Variants in NEMP2 observed in about 807,000 individuals in gnomAD.
NEMP2 encodes the protein UPF0571 transmembrane protein.
Under a neutral mutation model 54.2 loss-of-function variants are expected in NEMP2, and 53 were observed. The ratio of observed to expected loss-of-function variants is 0.98; its 90% confidence interval spans 0.78 to 1.23. The LOEUF (loss-of-function observed/expected upper bound fraction) is 1.23, where lower values mean the gene tolerates loss of function less well. Among genes scored for constraint, NEMP2 ranks in the 50% most tolerant of loss-of-function variants. The pLI is 0.00. For synonymous variants in NEMP2, 197 were observed against 190.3 expected, an observed-to-expected ratio of 1.04 and a Z score of -0.29; for missense variants, 455 against 511.3, an observed-to-expected ratio of 0.89 and a Z score of 1.06.
At chr2:190,511,050 T>C (rs1351297256) in intron 7 of NEMP2, among the ~76,000 whole-genome samples, 1 of 152,238 alleles carries the variant, frequency 6.6e-6, no homozygotes, top group African/African-American at 2.4e-5. Context: ...TTTCCTGGAC[T>C]ATCATAAATA....
At chr2:190,477,199 T>TATA in the NEMP2 span, 6 of 931,180 alleles carry the variant, frequency 6.4e-6, no homozygotes, top group South Asian at 5.0e-5. Flanking sequence ...AAACTTAAAG[T>TATA]ATAATAATAA....
the NEMP2 span, among the ~76,000 whole-genome samples, chr2:190,636,136 A>T: frequency 6.6e-6 from 1 of 152,216 alleles, no homozygotes; most frequent in African/African-American, 2.4e-5. Context: ...AAATATTGGA[A>T]TTAAAGGCAG....
At chr2:190,643,194 C>T in the NEMP2 span, among the ~76,000 whole-genome samples, 1 of 152,030 alleles carries the variant, frequency 6.6e-6, no homozygotes, top group Non-Finnish European at 1.5e-5. Context: ...TCCAAGGGGG[C>T]TTACTGTATA....
the NEMP2 span, among the ~76,000 whole-genome samples, chr2:190,643,062 T>C: frequency 0.97 from 125,851 of 129,670 alleles, 61,185 homozygotes; most frequent in Middle Eastern, 1. Flanking sequence ...AAAGAATCCC[T>C]TATTTTTGCA....
At chr2:190,494,669 T>C in the NEMP2 span, among the ~76,000 whole-genome samples, 2 of 152,208 alleles carry the variant, frequency 1.3e-5, no homozygotes, top group Non-Finnish European at 2.9e-5. The surrounding 1 kb of genome is among the most constrained non-coding windows in gnomAD (Gnocchi z 5.7). Flanking sequence ...CTGGGTTTCA[T>C]ACCAGGGATG....
At chr2:190,431,091 C>T in the NEMP2 span, among the ~76,000 whole-genome samples, 3 of 149,048 alleles carry the variant, frequency 2.0e-5, no homozygotes, top group Non-Finnish European at 3.0e-5. The surrounding 1 kb of genome is among the most constrained non-coding windows in gnomAD (Gnocchi z 4.4). Flanking sequence ...CAGAGGCGCT[C>T]CTCACATCCC....
At chr2:190,517,169 T>C (rs753689456) in intron 5 of NEMP2, among the ~76,000 whole-genome samples, 1 of 151,608 alleles carries the variant, frequency 6.6e-6, no homozygotes, top group African/African-American at 2.4e-5. Context: ...GCAGTGCTGT[T>C]ATTCAAGGCC....
rs2125292976 is a variant in NEMP2, at chr2:190,504,425, T to TATC, written c.*4761_*4763dup. On this transcript the variant is annotated 3_prime_UTR_variant, in exon 9 of 9. Transcript: ENST00000409150. The surrounding 1 kb of genome is among the most constrained non-coding windows in gnomAD (Gnocchi z 5.6). ...GTGCCATACTATACATATTTACCTA[T>TATC]ATCTAGTAAGCTGTACAGTAAGGCA... 1 of 152,182 alleles carries TATC rather than the reference T, an allele frequency of 6.6e-6. No homozygotes were observed. The highest frequency in any genetic ancestry group is 1.9e-4 in the East Asian group (1 of 5,190). The allele number at this position is 152,182 out of a possible 1,614,324, so 9.4% of individuals were successfully genotyped here.
the NEMP2 span, among the ~76,000 whole-genome samples, chr2:190,450,251 G>C: frequency 6.6e-6 from 1 of 152,150 alleles, no homozygotes; most frequent in African/African-American, 2.4e-5. Context: ...ATATCTGGCA[G>C]ACTGCAATTA....
the NEMP2 span, among the ~76,000 whole-genome samples, chr2:190,446,482 A>C: frequency 6.6e-6 from 1 of 152,210 alleles, no homozygotes; most frequent in Non-Finnish European, 1.5e-5. Context: ...AAAGTAGTTT[A>C]AACTGGGAGA....
the NEMP2 span, among the ~76,000 whole-genome samples, chr2:190,559,860 G>A: frequency 6.6e-6 from 1 of 152,154 alleles, no homozygotes; most frequent in Non-Finnish European, 1.5e-5. The surrounding 1 kb of genome is among the most constrained non-coding windows in gnomAD (Gnocchi z 4.0). Flanking sequence ...TGGCACCCGG[G>A]AAATCTGTCA....
the NEMP2 span, among the ~76,000 whole-genome samples, chr2:190,606,569 G>A: frequency 5.9e-5 from 9 of 152,216 alleles, no homozygotes; most frequent in Non-Finnish European, 8.8e-5. Flanking sequence ...AAAATTAGCC[G>A]GGTGTGGTGG....
the NEMP2 span, among the ~76,000 whole-genome samples, chr2:190,603,076 C>T: frequency 2.0e-5 from 3 of 152,122 alleles, no homozygotes; most frequent in Non-Finnish European, 4.4e-5. Context: ...TAGTTTTTCT[C>T]ATTGATTTAA....
chr2:190,592,868 TAA>T, the NEMP2 span, among the ~76,000 whole-genome samples: 1 of 152,216 alleles, frequency 6.6e-6, no homozygotes, highest in East Asian at 1.9e-4. This position sits in a 1 kb window ranked among gnomAD's most constrained non-coding sequence, Gnocchi z 4.4. Context: ...ACTTCTGTAT[TAA>T]GAGTAATTAA....
the NEMP2 span, among the ~76,000 whole-genome samples, chr2:190,439,576 T>C: frequency 2.6e-5 from 4 of 152,332 alleles, no homozygotes; most frequent in African/African-American, 9.6e-5. The surrounding 1 kb of genome is among the most constrained non-coding windows in gnomAD (Gnocchi z 5.8). Flanking sequence ...TACTACTCCT[T>C]TGGTAAGCTT....
At chr2:190,583,115 A>G in the NEMP2 span, among the ~76,000 whole-genome samples, 1 of 152,194 alleles carries the variant, frequency 6.6e-6, no homozygotes, top group Non-Finnish European at 1.5e-5. Context: ...TTTGGAATCT[A>G]TTAAATGTCA....
the NEMP2 span, among the ~76,000 whole-genome samples, chr2:190,600,317 G>A: frequency 6.6e-6 from 1 of 152,198 alleles, no homozygotes; most frequent in Non-Finnish European, 1.5e-5. The surrounding 1 kb of genome is among the most constrained non-coding windows in gnomAD (Gnocchi z 4.9). Context: ...GTAGAGTAGA[G>A]TACAAGGGGA....
At chr2:190,497,514 A>C in the NEMP2 span, 8 of 1,614,112 alleles carry the variant, frequency 5.0e-6, no homozygotes, top group Non-Finnish European at 6.8e-6. This position sits in a 1 kb window ranked among gnomAD's most constrained non-coding sequence, Gnocchi z 5.2. Context: ...TTGGTACAGC[A>C]ACAGACAGAA....
At chr2:190,569,586 T>C in the NEMP2 span, among the ~76,000 whole-genome samples, 1 of 152,112 alleles carries the variant, frequency 6.6e-6, no homozygotes, top group African/African-American at 2.4e-5. Context: ...CTAAGGGAGG[T>C]TCCCTTCTTT....
Sources: gnomAD v4.1 joint callset for allele counts (sites outside exome capture counted in the v4.1 genomes callset) on GRCh38, gnomAD v4.1.1 for gene constraint, Gnocchi (gnomAD v3.1) non-coding constraint, MANE v1.5 for transcripts, NCBI Gene and HGNC (gene_info 2026-07-23, HGNC 2026-07-21) for gene names.